Variants in TMPPE observed in about 807,000 individuals in gnomAD.
The protein encoded by TMPPE is transmembrane protein with metallophosphoesterase domain.
TMPPE carries 16 observed loss-of-function variants against 22.6 expected under a neutral mutation model. The ratio of observed to expected loss-of-function variants is 0.71; its 90% CI spans 0.48 to 1.08. TMPPE has a LOEUF of 1.08. Among genes scored for constraint, TMPPE ranks in the 50% least tolerant of loss-of-function variants. The probability of loss-of-function intolerance (pLI) is 0.00; values close to 1 mark genes in which losing one functional copy is unlikely to be tolerated. For synonymous variants in TMPPE, 240 were observed against 245.3 expected, an observed-to-expected ratio of 0.98 and a Z score of 0.20; for missense variants, 526 against 584.3, an observed-to-expected ratio of 0.90 and a Z score of 1.03.
rs1052499421 is a variant in TMPPE, at chr3:33,096,796, CGAGCT to C, written c.-191_-187del. 7.4e-6 allele frequency: 10 copies of C among 1,348,758 alleles called. No homozygotes were observed. The highest frequency in any genetic ancestry group is 9.5e-6 in the Non-Finnish European group (10 of 1,054,670). 83.5% of individuals were successfully genotyped at this position (1,348,758 alleles called of 1,614,324 possible). Reference sequence around the variant, plus strand: ...GGCCGGAGCGGAACGCACAAGCGACCGAGCTGCCTGGAAGGACGCGCGCCCCGCCC... The same window carrying C: ...GGCCGGAGCGGAACGCACAAGCGACCGCCTGGAAGGACGCGCGCCCCGCCC... On this transcript the variant is annotated 5_prime_UTR_variant, in exon 1 of 2. Transcript: ENST00000342462.
chr3:33,093,590 G>A lies in TMPPE; in HGVS notation c.606C>T (p.Ala202=). The A allele has an allele frequency of 1.9e-6, 3 of 1,614,164 alleles. No individual in the cohort carries two copies. Among genetic ancestry groups the A allele is most frequent in the Non-Finnish European group, 2.5e-6 (3 of 1,180,010 alleles). The change falls in exon 2 of 2, where the codon GCC becomes GCT. Residue 202 remains alanine, a synonymous_variant. Transcript: ENST00000342462. This position sits in a 1 kb window ranked among gnomAD's most constrained non-coding sequence, Gnocchi z 6.0. ...GCACGATCTTGAGGTTGTTCATTGA[G>A]GCAGGCAGCTGATGGATGGGCACCT... The part of the protein sequence containing the change: ...TVEVPIHQLP[A]SMNNLKIVLL...
In TMPPE at chr3:33,092,669, C is replaced by G; in HGVS notation, c.*165G>C. 7.1e-7 allele frequency: 1 copy of G among 1,403,602 alleles called. No individual in the cohort carries two copies. Among genetic ancestry groups the G allele is most frequent in the Non-Finnish European group, 9.3e-7 (1 of 1,080,358 alleles). 86.9% of individuals were successfully genotyped at this position (1,403,602 alleles called of 1,614,324 possible). A position where few individuals can be genotyped will look rare whatever the true frequency, so the allele number is the denominator to read the frequency against. On this transcript the variant is annotated 3_prime_UTR_variant, in exon 2 of 2. Coordinates refer to ENST00000342462, the MANE Select transcript of TMPPE (RefSeq NM_001039770.3). ...AATAGTTAAACCAGCCTGAACATGC[C>G]AGGCAGGCCCACCATAAGTCACTGT...
chr3:33,095,651 G>A (rs1261714779), intron 1 of TMPPE, among the ~76,000 whole-genome samples: 1 of 152,156 alleles, frequency 6.6e-6, no homozygotes, highest in Admixed American at 6.5e-5. Context: ...AGACTGATGA[G>A]CTCACATCAG....
At position 33,096,743 on chromosome 3, in the gene TMPPE, T is replaced by C; in HGVS notation, c.-133A>G. The stretch of plus-strand genomic sequence containing the variant: ...CCTCGTCTCAACACCTCGTTACAGA[T>C]GGGGAAGTGGATCCAAGCGCAAAGG... On this transcript the variant is annotated 5_prime_UTR_variant, in exon 1 of 2. Coordinates refer to ENST00000342462, the MANE Select transcript of TMPPE (RefSeq NM_001039770.3). 1 of 1,298,980 alleles carries C rather than the reference T, an allele frequency of 7.7e-7. No homozygotes were observed. 80.5% of individuals were successfully genotyped at this position (1,298,980 alleles called of 1,614,324 possible). A position where few individuals can be genotyped will look rare whatever the true frequency, so the allele number is the denominator to read the frequency against.
In TMPPE at chr3:33,091,647, T is replaced by C. The variant is rs139154601; in HGVS notation, c.*1187A>G. 36 of 984,642 alleles carry C rather than the reference T, an allele frequency of 3.7e-5. No homozygotes were observed. In the African/African-American group the frequency reaches 5.8e-4, roughly 16 times the overall value. The allele number at this position is 984,642 out of a possible 1,614,324, so 61.0% of individuals were successfully genotyped here. A position where few individuals can be genotyped will look rare whatever the true frequency, so the allele number is the denominator to read the frequency against. ...ACAATCTTGAGGTAGATACGATAATTATCCCCATTTTAGGGTTGATGGAAA... is the reference window on the plus strand; with the variant it reads ...ACAATCTTGAGGTAGATACGATAATCATCCCCATTTTAGGGTTGATGGAAA... On this transcript the variant is annotated 3_prime_UTR_variant, in exon 2 of 2. Coordinates refer to ENST00000342462, the MANE Select transcript of TMPPE (RefSeq NM_001039770.3).
Position 33,091,954 on chromosome 3 carries a change from C to T in TMPPE, c.*880G>A. The T allele has an allele frequency of 2.0e-6, 2 of 984,834 alleles. No homozygotes were observed. Among genetic ancestry groups the T allele is most frequent in the Non-Finnish European group, 2.4e-6 (2 of 829,390 alleles). 61.0% of individuals were successfully genotyped at this position (984,834 alleles called of 1,614,324 possible). A position where few individuals can be genotyped will look rare whatever the true frequency, so the allele number is the denominator to read the frequency against. The stretch of plus-strand genomic sequence containing the variant: ...GGGAGGTACAAGACCTGGTTTCTAG[C>T]CCCAAATCTCCTACATATCTTGTCA... On this transcript the variant is annotated 3_prime_UTR_variant, in exon 2 of 2. Transcript: ENST00000342462.
At position 33,096,881 on chromosome 3, in the gene TMPPE, C is replaced by A. The variant is rs1701055148; in HGVS notation, c.-271G>T. ...CTGCCTGCGTTCCGCCGGCCGCGAG[C>A]CTGCTGGGGGGCACTTCGGGGCTCA... On this transcript the variant is annotated 5_prime_UTR_variant, in exon 1 of 2. Transcript: ENST00000342462. 6.9e-7 allele frequency: 1 copy of A among 1,442,458 alleles called. No homozygotes were observed. Among genetic ancestry groups the A allele is most frequent in the Non-Finnish European group, 9.1e-7 (1 of 1,096,270 alleles). 89.4% of individuals were successfully genotyped at this position (1,442,458 alleles called of 1,614,324 possible). A position where few individuals can be genotyped will look rare whatever the true frequency, so the allele number is the denominator to read the frequency against.
intron 1 of TMPPE, among the ~76,000 whole-genome samples, chr3:33,095,650 A>G (rs1046608485): frequency 6.6e-6 from 1 of 152,110 alleles, no homozygotes; most frequent in African/African-American, 2.4e-5. Context: ...AAGACTGATG[A>G]GCTCACATCA....
In TMPPE at chr3:33,093,038, C is replaced by G. The variant is rs1180220960; in HGVS notation, c.1158G>C (p.Leu386=). ...CAGCATGTGTGTGCCCAGAAAGGAT[C>G]AGGTTAATATCTGGCCGAGCCTGGA... ...RALQARPDIN[L]ILSGHTHAGQ... is the part of the protein sequence containing the mutation. The change falls in exon 2 of 2, where the codon CTG becomes CTC. Residue 386 remains leucine, a synonymous_variant. Transcript: ENST00000342462. The surrounding 1 kb of genome is among the most constrained non-coding windows in gnomAD (Gnocchi z 6.0). The G allele has an allele frequency of 6.2e-7, 1 of 1,614,192 alleles. No homozygotes were observed. Among genetic ancestry groups the G allele is most frequent in the East Asian group, 2.2e-5 (1 of 44,878 alleles).
At position 33,091,552 on chromosome 3, in the gene TMPPE, T is replaced by C. The variant is rs1379890955; in HGVS notation, c.*1282A>G. 5 of 985,364 alleles carry C rather than the reference T, an allele frequency of 5.1e-6. No homozygotes were observed. In the African/African-American group the frequency reaches 7.0e-5, roughly 14 times the overall value. 61.0% of individuals were successfully genotyped at this position (985,364 alleles called of 1,614,324 possible). A position where few individuals can be genotyped will look rare whatever the true frequency, so the allele number is the denominator to read the frequency against. ...CACTGGAACGTTGAAAAATTAACAT[T>C]GAGTGTTTACTGTGCACGCTGTGCC... On this transcript the variant is annotated 3_prime_UTR_variant, in exon 2 of 2. Transcript: ENST00000342462.
chr3:33,094,097 C>G lies in TMPPE; in HGVS notation c.99G>C (p.Glu33Asp). 1 of 1,614,248 alleles carries G rather than the reference C, an allele frequency of 6.2e-7. No homozygotes were observed. The highest frequency in any genetic ancestry group is 8.5e-7 in the Non-Finnish European group (1 of 1,180,046). ...AACGCCAGGCCCTGAGCTCAAGGCTCTCTGCCAGATACGAGCGGGAGGCGA... is the reference window on the plus strand; with the variant it reads ...AACGCCAGGCCCTGAGCTCAAGGCTGTCTGCCAGATACGAGCGGGAGGCGA... ...SMIASRSYLA[E>D]SLELRAWRWL... is the part of the protein sequence containing the mutation. The change falls in exon 2 of 2, where the codon GAG becomes GAC. Residue 33 changes from glutamate (E) to aspartate (D), a missense_variant. Transcript: ENST00000342462.
rs1700814806 is a variant in TMPPE at position 33,092,676 on chromosome 3, G to T, written c.*158C>A. 6.4e-6 allele frequency: 9 copies of T among 1,411,336 alleles called. 1 individual carries two copies. The South Asian group carries it at 1.2e-4, about 19-fold the overall frequency. 87.4% of individuals were successfully genotyped at this position (1,411,336 alleles called of 1,614,324 possible). Reference sequence around the variant, plus strand: ...AAACCAGCCTGAACATGCCAGGCAGGCCCACCATAAGTCACTGTTTGAGTC... The same window carrying T: ...AAACCAGCCTGAACATGCCAGGCAGTCCCACCATAAGTCACTGTTTGAGTC... On this transcript the variant is annotated 3_prime_UTR_variant, in exon 2 of 2. Coordinates refer to ENST00000342462, the MANE Select transcript of TMPPE (RefSeq NM_001039770.3).
In TMPPE at chr3:33,093,987, T is replaced by C; in HGVS notation, c.209A>G (p.Asn70Ser). ...CTCTGCAGCTGGGGAGTGGCAGAGG[T>C]TGCTCACTGTGCTGCGCCAAATGTA... Reference protein sequence around the residue: ...SLYIWRSTVSNLCHSPAAEST... With the variant: ...SLYIWRSTVSSLCHSPAAEST... The change falls in exon 2 of 2, where the codon AAC (asparagine) becomes AGC (serine). Residue 70 changes from asparagine (N) to serine (S), a missense_variant. Coordinates refer to ENST00000342462, the MANE Select transcript of TMPPE (RefSeq NM_001039770.3). This position sits in a 1 kb window ranked among gnomAD's most constrained non-coding sequence, Gnocchi z 6.0. The C allele has an allele frequency of 7.4e-6, 12 of 1,614,028 alleles. No individual in the cohort carries two copies. Among genetic ancestry groups the C allele is most frequent in the South Asian group, 2.2e-5 (2 of 91,066 alleles).
At position 33,093,582 on chromosome 3, in the gene TMPPE, T is replaced by A. The variant is rs753533511; in HGVS notation, c.614A>T (p.Asn205Ile). Residue 205 changes from asparagine to isoleucine, a missense_variant, in exon 2 of 2, where the codon AAC becomes ATC. Physicochemically the swap from Asn to Ile is moderately radical, Grantham distance 149. Coordinates refer to ENST00000342462, the MANE Select transcript of TMPPE (RefSeq NM_001039770.3). This position sits in a 1 kb window ranked among gnomAD's most constrained non-coding sequence, Gnocchi z 6.0. ...VPIHQLPASM[N>I]NLKIVLLSDI... ...TGAGAGGAGCACGATCTTGAGGTTG[T>A]TCATTGAGGCAGGCAGCTGATGGAT... The A allele has an allele frequency of 3.1e-6, 5 of 1,614,172 alleles. No homozygotes were observed.
rs371857459 is a variant in TMPPE, at chr3:33,094,103, C to G, written c.93G>C (p.Leu31=). 6.2e-7 allele frequency: 1 copy of G among 1,614,244 alleles called. No homozygotes were observed. The change falls in exon 2 of 2, where the codon CTG becomes CTC. Residue 31 remains leucine (L), a synonymous_variant. Transcript: ENST00000342462. The stretch of plus-strand genomic sequence containing the variant: ...AGGCCCTGAGCTCAAGGCTCTCTGC[C>G]AGATACGAGCGGGAGGCGATCATGG... ...FVSMIASRSY[L]AESLELRAWR...
In TMPPE at chr3:33,097,109, A is replaced by G; in HGVS notation, c.-499T>C. 1 of 1,610,902 alleles carries G rather than the reference A, an allele frequency of 6.2e-7. No homozygotes were observed. The highest frequency in any genetic ancestry group is 8.5e-7 in the Non-Finnish European group (1 of 1,178,388). On this transcript the variant is annotated 5_prime_UTR_variant, in exon 1 of 2. Transcript: ENST00000342462. ...ATGACCACCAGCCTCCCGGCTCTGC[A>G]GTCGGCGCCCAGGCCGGCCGCTTCG...
Position 33,094,140 on chromosome 3 carries a change from G to GT in TMPPE, c.55dup (p.Thr19AsnfsTer18), listed in dbSNP as rs1477340115. The GT allele has an allele frequency of 6.2e-7, 1 of 1,613,376 alleles. No individual in the cohort carries two copies. The highest frequency in any genetic ancestry group is 1.3e-5 in the African/African-American group (1 of 74,934). On this transcript the variant is annotated frameshift_variant, in exon 2 of 2. Coordinates refer to ENST00000342462, the MANE Select transcript of TMPPE (RefSeq NM_001039770.3). LOFTEE classifies it high-confidence loss of function. Reference sequence around the variant, plus strand: ...GGAGGCGATCATGGACACGAAGACAGTGACAGCAGCCAGGGTGGCCTTCGC... The same window carrying GT: ...GGAGGCGATCATGGACACGAAGACAGTTGACAGCAGCCAGGGTGGCCTTCGC...
At position 33,096,891 on chromosome 3, in the gene TMPPE, G is replaced by A; in HGVS notation, c.-281C>T. 2.7e-6 allele frequency: 4 copies of A among 1,486,976 alleles called. No individual in the cohort carries two copies. Among genetic ancestry groups the A allele is most frequent in the Middle Eastern group, 2.2e-4 (1 of 4,492 alleles). The allele number at this position is 1,486,976 out of a possible 1,614,324, so 92.1% of individuals were successfully genotyped here. A position where few individuals can be genotyped will look rare whatever the true frequency, so the allele number is the denominator to read the frequency against. On this transcript the variant is annotated 5_prime_UTR_variant, in exon 1 of 2. Coordinates refer to ENST00000342462, the MANE Select transcript of TMPPE (RefSeq NM_001039770.3). The stretch of plus-strand genomic sequence containing the variant: ...TCCGCCGGCCGCGAGCCTGCTGGGG[G>A]GCACTTCGGGGCTCAGGCTCCCCGC...
rs1156786366 is a variant in TMPPE, at chr3:33,092,104, A to C, written c.*730T>G. ...GAGACAAGGGAGGCAAAGCCCTCTGAATTCCTAAGCAGCCATGTTCTCACC... is the reference window on the plus strand; with the variant it reads ...GAGACAAGGGAGGCAAAGCCCTCTGCATTCCTAAGCAGCCATGTTCTCACC... On this transcript the variant is annotated 3_prime_UTR_variant, in exon 2 of 2. Coordinates refer to ENST00000342462, the MANE Select transcript of TMPPE (RefSeq NM_001039770.3). 6.1e-6 allele frequency: 6 copies of C among 985,340 alleles called. No homozygotes were observed. In the African/African-American group the frequency reaches 1.0e-4, roughly 17 times the overall value. 61.0% of individuals were successfully genotyped at this position (985,340 alleles called of 1,614,324 possible). A position where few individuals can be genotyped will look rare whatever the true frequency, so the allele number is the denominator to read the frequency against.
Sources: allele counts gnomAD v4.1 joint callset (sites outside exome capture counted in the v4.1 genomes callset), GRCh38; gene constraint gnomAD v4.1.1; non-coding constraint Gnocchi (gnomAD v3.1); transcripts MANE v1.5; gene names NCBI Gene and HGNC (gene_info 2026-07-23, HGNC 2026-07-21).